PLS3: variants seen among roughly 807,000 people sequenced by gnomAD.
PLS3 encodes the protein plastin 3.
Under a neutral mutation model 46.5 loss-of-function variants are expected in PLS3, and 11 were observed. The observed-to-expected ratio is 0.24, with a 90% CI of 0.15 to 0.39. PLS3 has a LOEUF of 0.39. Among genes scored for constraint, PLS3 ranks in the 10% least tolerant of loss-of-function variants. PLS3 has a pLI of 1.00. For missense variants in PLS3, 308 were observed against 461.8 expected (o/e 0.67, Z 3.05); for synonymous variants, 167 against 162.2 (o/e 1.03, Z -0.22).
intron 1 of PLS3, among the ~76,000 whole-genome samples, chrX:115,599,277 G>A (rs1381704369): frequency 7.0e-5 from 7 of 99,532 alleles, no homozygotes; most frequent in African/African-American, 2.7e-4. Context: ...GAGGCAGGAG[G>A]ATCACTTGAG....
chrX:115,639,976 G>A, intron 8 of PLS3: 1 of 461,296 alleles, frequency 2.2e-6, no homozygotes, highest in Non-Finnish European at 3.8e-6. Context: ...CTTTAACATA[G>A]CTAATCTCTT....
At chrX:115,633,148 C>T (rs2074794780) in intron 5 of PLS3, among the ~76,000 whole-genome samples, 1 of 108,008 alleles carries the variant, frequency 9.3e-6, no homozygotes, top group South Asian at 3.9e-4. Context: ...AGATACCCAA[C>T]TACTATGCAC....
intron 1 of PLS3, among the ~76,000 whole-genome samples, chrX:115,581,836 C>G (rs782032022): frequency 8.9e-6 from 1 of 111,966 alleles, no homozygotes; most frequent in South Asian, 3.7e-4. Context: ...TCCAAATGTA[C>G]TACCCTAAGT....
chrX:115,640,898 G>C (rs1362281709), intron 9 of PLS3, among the ~76,000 whole-genome samples: 1 of 111,477 alleles, frequency 9.0e-6, no homozygotes, highest in East Asian at 2.8e-4. Context: ...ATATTCCTGT[G>C]TTGAGAGTAA....
At chrX:115,601,539 G>A (rs1367666272) in intron 1 of PLS3, among the ~76,000 whole-genome samples, 2 of 108,658 alleles carry the variant, frequency 1.8e-5, no homozygotes, top group African/African-American at 6.7e-5. Context: ...TGTAGATGAC[G>A]AGTTAATGGG....
chrX:115,634,125 G>A, intron 6 of PLS3, 44 bp downstream of exon 6: 1 of 772,125 alleles, frequency 1.3e-6, no homozygotes, highest in Non-Finnish European at 2.0e-6. Flanking sequence ...ATTACTGTTT[G>A]AGGACCTGTT....
At chrX:115,597,279 A>G (rs1556634017) in intron 1 of PLS3, among the ~76,000 whole-genome samples, 1 of 111,171 alleles carries the variant, frequency 9.0e-6, no homozygotes, top group Non-Finnish European at 1.9e-5. Flanking sequence ...TTTGCAAATA[A>G]CTCTTCTGCT....
At chrX:115,587,000 A>G (rs2074313360) in intron 1 of PLS3, among the ~76,000 whole-genome samples, 1 of 112,551 alleles carries the variant, frequency 8.9e-6, no homozygotes, top group African/African-American at 3.2e-5. Context: ...ATTACTGAAT[A>G]AAGCACCAGT....
At chrX:115,611,215 A>G (rs1204182744) in intron 2 of PLS3, among the ~76,000 whole-genome samples, 5 of 113,117 alleles carry the variant, frequency 4.4e-5, no homozygotes, top group Admixed American at 3.7e-4. Flanking sequence ...AACATTTTCT[A>G]TGAAGGCATT....
chrX:115,599,251 A>G (rs782412514), intron 1 of PLS3, among the ~76,000 whole-genome samples: 61 of 106,097 alleles, frequency 5.7e-4, no homozygotes, highest in Non-Finnish European at 1.1e-3. Context: ...CTGTAATCCC[A>G]GCACTTTGGG....
At chrX:115,597,022 G>A (rs1556633975) in intron 1 of PLS3, among the ~76,000 whole-genome samples, 1 of 108,240 alleles carries the variant, frequency 9.2e-6, no homozygotes, top group East Asian at 2.9e-4. Flanking sequence ...GTGGGCGCCT[G>A]TAATCCCAGC....
chrX:115,585,686 G>A (rs141035193), intron 1 of PLS3, among the ~76,000 whole-genome samples: 104 of 110,870 alleles, frequency 9.4e-4, no homozygotes, highest in African/African-American at 3.2e-3. Context: ...CACTGCACCC[G>A]GTCTAAAAAC....
intron 1 of PLS3, among the ~76,000 whole-genome samples, chrX:115,564,155 G>C (rs1556629841): frequency 9.0e-6 from 1 of 111,043 alleles, no homozygotes; most frequent in Non-Finnish European, 1.9e-5. Context: ...TCAAATTCTT[G>C]ATTTTTACTG....
intron 7 of PLS3, among the ~76,000 whole-genome samples, chrX:115,636,463 C>T (rs1603243087): frequency 9.0e-6 from 1 of 111,384 alleles, no homozygotes; most frequent in Admixed American, 9.6e-5. Context: ...GCCTCGGCCT[C>T]CCAAAGTGCT....
intron 5 of PLS3, among the ~76,000 whole-genome samples, 184 bp downstream of exon 5, chrX:115,630,151 C>T (rs782746728): frequency 2.7e-5 from 3 of 111,392 alleles, no homozygotes; most frequent in South Asian, 7.7e-4. Context: ...AGCCATAAAT[C>T]GACAACCTCT....
chrX:115,570,429 T>C (rs1035224171), intron 1 of PLS3, among the ~76,000 whole-genome samples: 2 of 110,758 alleles, frequency 1.8e-5, no homozygotes, highest in African/African-American at 3.3e-5. Context: ...GGTTGATTAA[T>C]GTTGCCTTAG....
At position 115,561,211 on chromosome X, in the gene PLS3, G is replaced by A. The variant is rs1477196654; in HGVS notation, c.-58G>A. The A allele has an allele frequency of 8.9e-6, 1 of 112,455 alleles. No individual in the cohort carries two copies. Among genetic ancestry groups the A allele is most frequent in the Admixed American group, 9.4e-5 (1 of 10,666 alleles). 9.3% of individuals were successfully genotyped at this position (112,455 alleles called of 1,213,427 possible). A position where few individuals can be genotyped will look rare whatever the true frequency, so the allele number is the denominator to read the frequency against. On this transcript the variant is annotated 5_prime_UTR_variant, in exon 1 of 16. It adds an upstream start codon to the 5' untranslated region. Transcript: ENST00000355899. Reference sequence around the variant, plus strand: ...ATTCCGAGGTGCAGAAGTTGTCTGAGTGGGTTGGTCGGCGGCAGTCGGGCC... The same window carrying A: ...ATTCCGAGGTGCAGAAGTTGTCTGAATGGGTTGGTCGGCGGCAGTCGGGCC...
intron 1 of PLS3, among the ~76,000 whole-genome samples, chrX:115,603,944 A>C (rs1419912828): frequency 8.9e-6 from 1 of 112,021 alleles, no homozygotes; most frequent in Non-Finnish European, 1.9e-5. Flanking sequence ...CTCATGAAAA[A>C]ATTTGCAAAT....
intron 1 of PLS3, among the ~76,000 whole-genome samples, chrX:115,598,292 CAAAAA>C (rs782523501): frequency 3.1e-5 from 2 of 65,460 alleles, no homozygotes; most frequent in African/African-American, 1.1e-4. Context: ...GATTCTATTT[CAAAAA>C]AAAAAAAAAA....
Sources: gnomAD v4.1 joint callset for allele counts (sites outside exome capture counted in the v4.1 genomes callset) on GRCh38, gnomAD v4.1.1 for gene constraint, MANE v1.5 for transcripts, NCBI Gene and HGNC (gene_info 2026-07-23, HGNC 2026-07-21) for gene names.